The following NFXL1 variants were observed in gnomAD, a reference collection of about 807,000 sequenced individuals.
The protein encoded by NFXL1 is NF-X1-type zinc finger protein NFXL1.
A neutral mutation model predicts 123.3 loss-of-function variants in NFXL1; 66 were observed. That is an observed-to-expected ratio of 0.54 (90% CI 0.44 to 0.66). NFXL1 has a LOEUF of 0.66. NFXL1 is among the 30% of genes least tolerant of loss of function. The pLI is 0.00. For synonymous variants in NFXL1, 346 were observed against 360.8 expected, an observed-to-expected ratio of 0.96 and a Z score of 0.46; for missense variants, 944 against 1,125.6, an observed-to-expected ratio of 0.84 and a Z score of 2.31.
rs1735677228 is a variant in NFXL1 at position 47,875,278 on chromosome 4, G to A, written c.2095C>T (p.Leu699Phe). The change falls in exon 18 of 23, where the codon CTT becomes TTT. Residue 699 changes from leucine (L) to phenylalanine (F), a missense_variant. By Grantham distance (22) the Leu-to-Phe change is conservative. Transcript: ENST00000507489. ...TGKNKAGPEC[L>F]HCEEGCSKSR... is the part of the protein sequence containing the mutation. Reference sequence around the variant, plus strand: ...TTGGAGCACCCTTCCTCACAATGAAGGCATTCTGGGCCAGCCTGAAAAACA... The same window carrying A: ...TTGGAGCACCCTTCCTCACAATGAAAGCATTCTGGGCCAGCCTGAAAAACA... 1 of 1,610,164 alleles carries A rather than the reference G, an allele frequency of 6.2e-7. No individual in the cohort carries two copies. Among genetic ancestry groups the A allele is most frequent in the Non-Finnish European group, 8.5e-7 (1 of 1,177,774 alleles).
At chr4:47,914,306 T>A (rs1181653636) in intron 1 of NFXL1, 59 bp downstream of exon 1, 1 of 928,100 alleles carries the variant, frequency 1.1e-6, no homozygotes, top group Non-Finnish European at 1.6e-6. Flanking sequence ...AGGGGCCGAG[T>A]GAGGAAGGTT....
intron 19 of NFXL1, among the ~76,000 whole-genome samples, chr4:47,858,934 C>T (rs186138384): frequency 1.3e-5 from 2 of 152,032 alleles, no homozygotes; most frequent in Admixed American, 1.3e-4. Context: ...GATCATTTTC[C>T]TGTTAGATGT....
At chr4:47,885,741 TTC>T in intron 13 of NFXL1, 84 bp from the exon 14 acceptor site, 1 of 1,372,868 alleles carries the variant, frequency 7.3e-7, no homozygotes, top group East Asian at 2.3e-5. Context: ...TTTACATATC[TTC>T]TGATTCCATA....
rs1734108529 is a variant in NFXL1 at position 47,851,398 on chromosome 4, A to G, written c.2509-250T>C. 2.0e-5 allele frequency among the ~76,000 whole-genome samples: 3 copies of G among 152,118 alleles called. No homozygotes were observed. In the South Asian group the frequency reaches 6.2e-4, roughly 31 times the overall value. On this transcript the variant is annotated intron_variant, in intron 21 of 22. Transcript: ENST00000507489. ...GCTTAACAAGTAAAATCGGTATTACATCGTAATTCAAAGAGTTAAAACACT... is the reference window on the plus strand; with the variant it reads ...GCTTAACAAGTAAAATCGGTATTACGTCGTAATTCAAAGAGTTAAAACACT...
intron 3 of NFXL1, among the ~76,000 whole-genome samples, chr4:47,909,040 C>T (rs1294489662): frequency 6.6e-6 from 1 of 150,768 alleles, no homozygotes; most frequent in Non-Finnish European, 1.5e-5. Context: ...CCACAAAATA[C>T]ATTAAACATT....
chr4:47,875,352 T>C, intron 17 of NFXL1, 59 bp from the exon 18 acceptor site: 1 of 1,285,920 alleles, frequency 7.8e-7, no homozygotes, highest in African/African-American at 1.5e-5. Context: ...CATTTCCATA[T>C]GTTACAGTTA....
At chr4:47,881,912 CAG>C (rs1460484601) in intron 15 of NFXL1, among the ~76,000 whole-genome samples, 1 of 152,076 alleles carries the variant, frequency 6.6e-6, no homozygotes, top group Non-Finnish European at 1.5e-5. Flanking sequence ...AGGTATAGCA[CAG>C]GGCATTTTTA....
intron 3 of NFXL1, 71 bp from the exon 4 acceptor site, chr4:47,905,417 C>T: frequency 1.4e-6 from 1 of 733,036 alleles, no homozygotes; most frequent in Middle Eastern, 2.8e-4. Context: ...CTAATAGCAC[C>T]ATATTATGTA....
intron 22 of NFXL1, 99 bp from the exon 23 acceptor site, chr4:47,848,435 A>T: frequency 1.2e-6 from 1 of 845,036 alleles, no homozygotes; most frequent in South Asian, 1.8e-5. Context: ...TTTTAATAGT[A>T]ATGATATATA....
intron 2 of NFXL1, among the ~76,000 whole-genome samples, chr4:47,912,295 G>T (rs980003559): frequency 1.3e-5 from 2 of 152,054 alleles, no homozygotes; most frequent in South Asian, 2.1e-4. Context: ...AAAACAGGCT[G>T]AACTGGACAG....
chr4:47,906,179 A>G lies in NFXL1; in HGVS notation c.407-833T>C, dbSNP rs1367923431. Among the ~76,000 whole-genome samples, 5 of 152,334 alleles carry G rather than the reference A, an allele frequency of 3.3e-5. No individual in the cohort carries two copies. The East Asian group carries it at 9.6e-4, about 29-fold the overall frequency. On this transcript the variant is annotated intron_variant, in intron 3 of 22. Transcript: ENST00000507489. ...AAAAACAGAATGAGTCCTCTAAAGC[A>G]CAAATGACACCAAAAGGACAATAAT...
chr4:47,870,685 T>G (rs771210233), intron 18 of NFXL1, among the ~76,000 whole-genome samples: 7 of 151,804 alleles, frequency 4.6e-5, no homozygotes, highest in Non-Finnish European at 7.4e-5. Flanking sequence ...ACAGAGAGCC[T>G]AGAAGCAATG....
At chr4:47,851,013 T>G (rs1734087020) in intron 22 of NFXL1, 82 bp downstream of exon 22, 7 of 1,014,676 alleles carry the variant, frequency 6.9e-6, no homozygotes, top group South Asian at 2.6e-5. Flanking sequence ...GACCTTAGTT[T>G]GACCTTGGAA....
intron 19 of NFXL1, among the ~76,000 whole-genome samples, chr4:47,858,550 GCAT>G (rs1734540578): frequency 1.3e-5 from 2 of 152,170 alleles, no homozygotes; most frequent in South Asian, 4.2e-4. Context: ...GTGGACTACA[GCAT>G]GTAGCTGTTA....
At chr4:47,894,394 C>G in intron 10 of NFXL1, 92 bp from the exon 11 acceptor site, 1 of 891,622 alleles carries the variant, frequency 1.1e-6, no homozygotes, top group East Asian at 3.1e-5. Context: ...ACATAATGAA[C>G]AAAAATTTTA....
intron 18 of NFXL1, among the ~76,000 whole-genome samples, chr4:47,870,470 A>G (rs1178062926): frequency 7.4e-6 from 1 of 134,568 alleles, no homozygotes; most frequent in Non-Finnish European, 1.8e-5. Flanking sequence ...ACAGGAAGTA[A>G]TTCCTCTAAA....
chr4:47,880,736 G>A (rs1258456957), intron 15 of NFXL1, among the ~76,000 whole-genome samples: 1 of 137,076 alleles, frequency 7.3e-6, no homozygotes, highest in Non-Finnish European at 1.5e-5. Flanking sequence ...AGCGATCTTT[G>A]ATGTTACTAT....
chr4:47,880,807 T>A (rs1440230253), intron 15 of NFXL1, among the ~76,000 whole-genome samples: 74 of 78,752 alleles, frequency 9.4e-4, no homozygotes, highest in African/African-American at 1.4e-3. Context: ...AATTAATGAG[T>A]AAAAAAAAAA....
chr4:47,871,361 A>AC (rs1355984336), intron 18 of NFXL1, among the ~76,000 whole-genome samples: 22 of 151,644 alleles, frequency 1.5e-4, no homozygotes, highest in African/African-American at 4.4e-4. Flanking sequence ...AAAAAAAAAA[A>AC]AAACAAAAAC....
Sources: allele counts gnomAD v4.1 joint callset (sites outside exome capture counted in the v4.1 genomes callset), GRCh38; gene constraint gnomAD v4.1.1; transcripts MANE v1.5; gene names NCBI Gene and HGNC (gene_info 2026-07-23, HGNC 2026-07-21).